RFTN2: variants seen among roughly 807,000 people sequenced by gnomAD.
The protein encoded by RFTN2 is raftlin-2.
Under a neutral mutation model 52.7 loss-of-function variants are expected in RFTN2, and 34 were observed. That is an observed-to-expected ratio of 0.64 (90% CI 0.49 to 0.86). The LOEUF (loss-of-function observed/expected upper bound fraction) is 0.86. RFTN2 is among the 40% of genes least tolerant of loss of function. RFTN2 has a pLI of 0.00. For missense variants in RFTN2, 536 were observed against 600.1 expected (o/e 0.89, Z 1.12); for synonymous variants, 203 against 217.7 (o/e 0.93, Z 0.59).
At chr2:197,636,796 G>C (rs2088574660) in intron 3 of RFTN2, among the ~76,000 whole-genome samples, 1 of 148,804 alleles carries the variant, frequency 6.7e-6, no homozygotes, top group Admixed American at 6.7e-5. Flanking sequence ...AGCGGTGAGA[G>C]AGGGCATCCC....
intron 5 of RFTN2, among the ~76,000 whole-genome samples, chr2:197,622,532 C>T (rs941726110): frequency 3.3e-5 from 5 of 152,166 alleles, no homozygotes; most frequent in Non-Finnish European, 5.9e-5. Flanking sequence ...TCTCGAACTC[C>T]TGACCTCAAA....
intron 1 of RFTN2, among the ~76,000 whole-genome samples, chr2:197,674,992 T>C (rs566616270): frequency 2.6e-5 from 4 of 152,286 alleles, no homozygotes; most frequent in Admixed American, 2.6e-4. Context: ...AAATACAAAC[T>C]GTCACTAAGG....
At chr2:197,645,500 TTGTC>T (rs2088734965) in intron 2 of RFTN2, among the ~76,000 whole-genome samples, 2 of 152,192 alleles carry the variant, frequency 1.3e-5, no homozygotes, top group Admixed American at 6.5e-5. Context: ...TCTAAGATAT[TTGTC>T]TGGTTATTTT....
At chr2:197,594,965 A>G (rs185734634) in intron 8 of RFTN2, among the ~76,000 whole-genome samples, 106 of 152,378 alleles carry the variant, frequency 7.0e-4, no homozygotes, top group African/African-American at 2.5e-3. Flanking sequence ...CCGAAAACAT[A>G]AAACAACGTT....
chr2:197,647,508 C>G (rs1019707811), intron 1 of RFTN2, among the ~76,000 whole-genome samples: 5 of 152,022 alleles, frequency 3.3e-5, no homozygotes. Context: ...GCGCTCCCAG[C>G]CGAGATGCAT....
intron 7 of RFTN2, among the ~76,000 whole-genome samples, chr2:197,597,344 C>T (rs1014681725): frequency 9.2e-5 from 14 of 152,010 alleles, no homozygotes; most frequent in African/African-American, 3.4e-4. Context: ...GGTACACGGG[C>T]GGGATTAGCA....
chr2:197,572,570 G>A (rs1215950526), intron 8 of RFTN2, among the ~76,000 whole-genome samples: 1 of 152,160 alleles, frequency 6.6e-6, no homozygotes, highest in African/African-American at 2.4e-5. Flanking sequence ...ACATCTCTAA[G>A]GAAGGAAATT....
intron 8 of RFTN2, among the ~76,000 whole-genome samples, chr2:197,578,326 T>C (rs975824587): frequency 1.3e-5 from 2 of 152,136 alleles, no homozygotes; most frequent in African/African-American, 2.4e-5. Flanking sequence ...TGTTAAAAGA[T>C]GGCAAAAATA....
chr2:197,584,873 C>A, intron 8 of RFTN2, among the ~76,000 whole-genome samples: 1 of 152,168 alleles, frequency 6.6e-6, no homozygotes, highest in Non-Finnish European at 1.5e-5. Context: ...GGCTGCTTAT[C>A]TTCTCTTGCC....
At chr2:197,605,636 A>T (rs1404632367) in intron 7 of RFTN2, among the ~76,000 whole-genome samples, 2 of 152,228 alleles carry the variant, frequency 1.3e-5, no homozygotes, top group Non-Finnish European at 2.9e-5. Flanking sequence ...GAAAGCAAAT[A>T]ATCTGTGGTA....
chr2:197,674,144 T>G, intron 1 of RFTN2, among the ~76,000 whole-genome samples: 1 of 151,932 alleles, frequency 6.6e-6, no homozygotes, highest in African/African-American at 2.4e-5. Flanking sequence ...AATTAAGAAA[T>G]TAAGAATATT....
chr2:197,636,832 A>G (rs1007530607), intron 3 of RFTN2, among the ~76,000 whole-genome samples: 1 of 149,172 alleles, frequency 6.7e-6, no homozygotes, highest in African/African-American at 2.4e-5. Context: ...TTCAAAGGGA[A>G]TGCTTCCAGT....
At position 197,572,323 on chromosome 2, in the gene RFTN2, G is replaced by C. The variant is rs374961990; in HGVS notation, c.1234-43C>G. ...GGTGACCAGGAGAGTTAAAAAGATGGGTGTTTCCTGTCCCTCTGGTCTAGC... is the reference window on the plus strand; with the variant it reads ...GGTGACCAGGAGAGTTAAAAAGATGCGTGTTTCCTGTCCCTCTGGTCTAGC... On this transcript the variant is annotated intron_variant, in intron 8 of 8. Transcript: ENST00000295049. 1.8e-4 allele frequency: 279 copies of C among 1,591,606 alleles called. 4 individuals carry two copies. Among genetic ancestry groups the C allele is most frequent in the East Asian group, 1.7e-3 (77 of 44,592 alleles).
chr2:197,675,551 C>T lies in RFTN2; in HGVS notation c.-93G>A. 2 of 381,782 alleles carry T rather than the reference C, an allele frequency of 5.2e-6. No homozygotes were observed. The highest frequency in any genetic ancestry group is 2.9e-5 in the African/African-American group (1 of 34,222). 23.6% of individuals were successfully genotyped at this position (381,782 alleles called of 1,614,324 possible). A position where few individuals can be genotyped will look rare whatever the true frequency, so the allele number is the denominator to read the frequency against. On this transcript the variant is annotated 5_prime_UTR_variant, in exon 1 of 9. Coordinates refer to ENST00000295049, the MANE Select transcript of RFTN2 (RefSeq NM_144629.3). Reference sequence around the variant, plus strand: ...TGCAAAAAGAAAGTTACAGACTTAACTGCTTTGATTTTGTTTTCAGCTAAA... The same window carrying T: ...TGCAAAAAGAAAGTTACAGACTTAATTGCTTTGATTTTGTTTTCAGCTAAA...
intron 5 of RFTN2, among the ~76,000 whole-genome samples, chr2:197,629,687 C>CACACACAT (rs1192212154): frequency 1.3e-5 from 2 of 148,436 alleles, no homozygotes; most frequent in Non-Finnish European, 3.0e-5. Flanking sequence ...CACACACACA[C>CACACACAT]ACACACACAC....
intron 3 of RFTN2, among the ~76,000 whole-genome samples, chr2:197,640,731 G>C (rs983005707): frequency 1.3e-5 from 2 of 152,246 alleles, no homozygotes; most frequent in South Asian, 2.1e-4. Flanking sequence ...GACCGGAGCT[G>C]TTCCTATTCG....
intron 7 of RFTN2, among the ~76,000 whole-genome samples, chr2:197,613,812 T>C (rs2088100694): frequency 6.6e-6 from 1 of 152,238 alleles, no homozygotes. Context: ...ACAATGCTCC[T>C]TGGCATACAA....
chr2:197,628,783 A>AGG, intron 5 of RFTN2, among the ~76,000 whole-genome samples: 1 of 152,254 alleles, frequency 6.6e-6, no homozygotes, highest in Non-Finnish European at 1.5e-5. Context: ...GAGTCACTTT[A>AGG]CATTTATTAT....
At chr2:197,635,448 A>G (rs2088549893) in intron 3 of RFTN2, among the ~76,000 whole-genome samples, 1 of 152,178 alleles carries the variant, frequency 6.6e-6, no homozygotes, top group Admixed American at 6.5e-5. Context: ...GTGAGATGGT[A>G]TCTCATTGTG....
Sources: gnomAD v4.1 joint callset for allele counts (sites outside exome capture counted in the v4.1 genomes callset) on GRCh38, gnomAD v4.1.1 for gene constraint, MANE v1.5 for transcripts, NCBI Gene and HGNC (gene_info 2026-07-23, HGNC 2026-07-21) for gene names.